The following PELI1 variants were observed in gnomAD, a reference collection of about 807,000 sequenced individuals.
PELI1 encodes E3 ubiquitin-protein ligase pellino homolog 1.
Under a neutral mutation model 41.3 loss-of-function variants are expected in PELI1, and 15 were observed. That is an observed-to-expected ratio of 0.36 (90% confidence interval 0.24 to 0.56). The LOEUF is 0.56. Among genes scored for constraint, PELI1 ranks in the 20% least tolerant of loss-of-function variants. The pLI is 0.82. For synonymous variants in PELI1, 178 were observed against 180.1 expected (o/e 0.99, Z 0.09); for missense variants, 403 against 525.5 (o/e 0.77, Z 2.28).
chr2:64,115,126 A>G (rs1680948397), intron 1 of PELI1, among the ~76,000 whole-genome samples: 1 of 152,214 alleles, frequency 6.6e-6, no homozygotes, highest in Non-Finnish European at 1.5e-5. Flanking sequence ...ATTAATGATT[A>G]ATGTTTCTGT....
intron 1 of PELI1, among the ~76,000 whole-genome samples, chr2:64,140,635 G>A (rs1390725238): frequency 1.3e-5 from 2 of 151,494 alleles, no homozygotes; most frequent in African/African-American, 4.9e-5. Flanking sequence ...GAAATTCCCT[G>A]ACATCCATTC....
chr2:64,122,106 A>G (rs937798716), intron 1 of PELI1, among the ~76,000 whole-genome samples: 1 of 152,016 alleles, frequency 6.6e-6, no homozygotes, highest in African/African-American at 2.4e-5. Context: ...CATGGAGGCC[A>G]GTCAAATACA....
chr2:64,115,659 G>A (rs1054559622), intron 1 of PELI1, among the ~76,000 whole-genome samples: 1 of 152,084 alleles, frequency 6.6e-6, no homozygotes, highest in Non-Finnish European at 1.5e-5. Flanking sequence ...ACAATCATTT[G>A]TCCCCATTTT....
chr2:64,106,737 G>C (rs1005806536), intron 2 of PELI1, among the ~76,000 whole-genome samples: 1 of 152,114 alleles, frequency 6.6e-6, no homozygotes, highest in Non-Finnish European at 1.5e-5. Context: ...ACAAGCACCG[G>C]ATTCTAGGAT....
chr2:64,112,143 T>C (rs2576837), intron 1 of PELI1, among the ~76,000 whole-genome samples: 34,526 of 152,150 alleles, frequency 0.23, 5,206 homozygotes, highest in East Asian at 0.74. Flanking sequence ...TTGTATTAAA[T>C]AGAATTAGTA....
At chr2:64,113,305 A>G (rs935127117) in intron 1 of PELI1, among the ~76,000 whole-genome samples, 1 of 151,948 alleles carries the variant, frequency 6.6e-6, no homozygotes, top group Non-Finnish European at 1.5e-5. Context: ...AAAAAGAAAA[A>G]AAAAAAAAAA....
chr2:64,125,611 G>A (rs1019732417), intron 1 of PELI1, among the ~76,000 whole-genome samples: 2 of 152,156 alleles, frequency 1.3e-5, no homozygotes, highest in African/African-American at 4.8e-5. Flanking sequence ...AATACCCAAT[G>A]TTTTAATTAA....
intron 1 of PELI1, among the ~76,000 whole-genome samples, chr2:64,124,092 T>C (rs928390006): frequency 5.3e-5 from 8 of 151,810 alleles, no homozygotes; most frequent in African/African-American, 1.9e-4. Context: ...AAAAGGCAAA[T>C]CCAGAGACAG....
chr2:64,126,710 A>C (rs1681400237), intron 1 of PELI1, among the ~76,000 whole-genome samples: 1 of 152,232 alleles, frequency 6.6e-6, no homozygotes, highest in African/African-American at 2.4e-5. Flanking sequence ...CTTCAAAGAA[A>C]AGTGTTATTA....
Position 64,100,736 on chromosome 2 carries a change from T to G in PELI1, c.202-237A>C, listed in dbSNP as rs186723500. Among the ~76,000 whole-genome samples the G allele has an allele frequency of 8.5e-4, 129 of 151,946 alleles. 1 individual carries two copies. Among genetic ancestry groups the G allele is most frequent in the Admixed American group, 2.9e-3 (45 of 15,266 alleles). On this transcript the variant is annotated intron_variant, in intron 3 of 6. Transcript: ENST00000358912. Reference sequence around the variant, plus strand: ...AGAATAAAAACATAACTTTCTTTCTTTTTTTTTAAAGACAGAGTCTTGCTC... The same window carrying G: ...AGAATAAAAACATAACTTTCTTTCTGTTTTTTTAAAGACAGAGTCTTGCTC...
At chr2:64,138,299 C>G (rs1416771837) in intron 1 of PELI1, among the ~76,000 whole-genome samples, 1 of 152,216 alleles carries the variant, frequency 6.6e-6, no homozygotes, top group Non-Finnish European at 1.5e-5. Flanking sequence ...AGGGCCACTG[C>G]ACTTACTATT....
intron 1 of PELI1, among the ~76,000 whole-genome samples, chr2:64,118,434 GCA>G (rs1681090487): frequency 6.6e-6 from 1 of 152,022 alleles, no homozygotes; most frequent in Non-Finnish European, 1.5e-5. Context: ...ACTGAGCAGC[GCA>G]TGTCTGTATT....
intron 1 of PELI1, among the ~76,000 whole-genome samples, chr2:64,123,520 AAAG>A (rs1220329687): frequency 6.6e-6 from 1 of 152,242 alleles, no homozygotes; most frequent in Admixed American, 6.5e-5. Flanking sequence ...TTATTTCTCC[AAAG>A]AAGATATACA....
rs573107916 is a variant in PELI1, at chr2:64,138,328, T to C, written c.-70+5753A>G. 2.0e-5 allele frequency among the ~76,000 whole-genome samples: 3 copies of C among 152,342 alleles called. No individual in the cohort carries two copies. The East Asian group carries it at 5.8e-4, about 29-fold the overall frequency. On this transcript the variant is annotated intron_variant, in intron 1 of 6. Coordinates refer to ENST00000358912, the MANE Select transcript of PELI1 (RefSeq NM_020651.4). ...TACTATTCCCTCTGTGTATAATGTC[T>C]TGCTCCAAGGAGACCTGCAAGGCTT...
chr2:64,116,312 T>C (rs1680990374), intron 1 of PELI1, among the ~76,000 whole-genome samples: 1 of 152,206 alleles, frequency 6.6e-6, no homozygotes, highest in African/African-American at 2.4e-5. Context: ...AATTTTAGAT[T>C]ACCAAAGTTC....
At chr2:64,115,633 A>G (rs1309062902) in intron 1 of PELI1, among the ~76,000 whole-genome samples, 1 of 152,148 alleles carries the variant, frequency 6.6e-6, no homozygotes, top group Admixed American at 6.5e-5. Context: ...TTTAATTTCT[A>G]TTACAACTAT....
intron 1 of PELI1, among the ~76,000 whole-genome samples, chr2:64,121,261 A>G (rs1576091304): frequency 6.6e-6 from 1 of 152,318 alleles, no homozygotes; most frequent in East Asian, 1.9e-4. Flanking sequence ...AAGAAGCCGG[A>G]CATGACAAAT....
intron 1 of PELI1, among the ~76,000 whole-genome samples, chr2:64,110,505 A>G (rs1204459907): frequency 2.0e-5 from 3 of 152,214 alleles, no homozygotes; most frequent in Admixed American, 6.5e-5. Flanking sequence ...AATTAACTAA[A>G]CAGAAAATAA....
At chr2:64,138,682 G>T (rs541827256) in intron 1 of PELI1, among the ~76,000 whole-genome samples, 1 of 152,094 alleles carries the variant, frequency 6.6e-6, no homozygotes, top group East Asian at 1.9e-4. Flanking sequence ...ACCTGAGATC[G>T]CCCCACTGCA....
Sources: allele counts gnomAD v4.1 joint callset (sites outside exome capture counted in the v4.1 genomes callset), GRCh38; gene constraint gnomAD v4.1.1; transcripts MANE v1.5; gene names NCBI Gene and HGNC (gene_info 2026-07-23, HGNC 2026-07-21).